Variants in WDR35 observed in about 807,000 individuals in gnomAD.
The protein encoded by WDR35 is WD repeat domain 35.
WDR35 carries 118 observed loss-of-function variants against 158.3 expected under a neutral mutation model. That is an observed-to-expected ratio of 0.75 (90% CI 0.64 to 0.87). The LOEUF is 0.87. Among genes scored for constraint, WDR35 ranks in the 40% least tolerant of loss-of-function variants. The pLI is 0.00. For synonymous variants in WDR35, 448 were observed against 476.1 expected (o/e 0.94, Z 0.77); for missense variants, 1,263 against 1,405.8 (o/e 0.90, Z 1.62).
chr2:19,969,627 A>T (rs1671970728), intron 8 of WDR35, 22 bp from the exon 9 acceptor site: 1 of 1,611,170 alleles, frequency 6.2e-7, no homozygotes, highest in Non-Finnish European at 8.5e-7. Flanking sequence ...AGTTATCTTT[A>T]ACCTAAAGTA....
rs1672663807 is a variant in WDR35 at position 19,989,164 on chromosome 2, CCTGT to C, written c.139_142del (p.Thr47MetfsTer5). On this transcript the variant is annotated frameshift_variant and splice_region_variant, in exon 2 of 27. Transcript: ENST00000281405. LOFTEE classifies it high-confidence loss of function. ...AAACATGTGGGCTTGCATTCATTTA[CCTGT>C]CTGCGTCTCTAATTTCAAAACTTTC... 6.2e-7 allele frequency: 1 copy of C among 1,613,548 alleles called. No individual in the cohort carries two copies. Among genetic ancestry groups the C allele is most frequent in the South Asian group, 1.1e-5 (1 of 91,072 alleles).
At chr2:19,927,790 G>C (rs1472304068) in intron 25 of WDR35, among the ~76,000 whole-genome samples, 1 of 152,212 alleles carries the variant, frequency 6.6e-6, no homozygotes, top group Non-Finnish European at 1.5e-5. Flanking sequence ...GTGCTTAAAG[G>C]AGCTGCAGAC....
At chr2:19,939,014 TA>T (rs1222388563) in intron 17 of WDR35, among the ~76,000 whole-genome samples, 1 of 152,212 alleles carries the variant, frequency 6.6e-6, no homozygotes. Context: ...CTTCTTTATC[TA>T]AAAAACTTCA....
chr2:19,988,244 C>T (rs973513418), intron 2 of WDR35, among the ~76,000 whole-genome samples: 2 of 152,186 alleles, frequency 1.3e-5, no homozygotes, highest in Non-Finnish European at 1.5e-5. Flanking sequence ...GGTTAAACAT[C>T]CACTACATGG....
At chr2:19,984,002 C>CATATATAT (rs753374553) in intron 2 of WDR35, among the ~76,000 whole-genome samples, 26 of 89,930 alleles carry the variant, frequency 2.9e-4, no homozygotes, top group African/African-American at 1.1e-3. Context: ...CATTCTAATG[C>CATATATAT]ATATATATAT....
At position 19,980,625 on chromosome 2, in the gene WDR35, A is replaced by G. The variant is rs1672353187; in HGVS notation, c.307+66T>C. 2.3e-6 allele frequency: 3 copies of G among 1,325,332 alleles called. No homozygotes were observed. In the East Asian group the frequency reaches 6.9e-5, roughly 31 times the overall value. The allele number at this position is 1,325,332 out of a possible 1,614,324, so 82.1% of individuals were successfully genotyped here. A position where few individuals can be genotyped will look rare whatever the true frequency, so the allele number is the denominator to read the frequency against. ...TCTATTTTGGAGATGTTATTTACCC[A>G]TCCAAATACTGTGATCCAGATGCCA... is the stretch of plus-strand genomic sequence containing the variant. On this transcript the variant is annotated intron_variant, in intron 4 of 26. Transcript: ENST00000281405.
Position 19,948,196 on chromosome 2 carries a change from C to T in WDR35, c.1492G>A (p.Ala498Thr). 3 of 1,609,766 alleles carry T rather than the reference C, an allele frequency of 1.9e-6. No homozygotes were observed. The highest frequency in any genetic ancestry group is 2.5e-6 in the Non-Finnish European group (3 of 1,178,684). Reference sequence around the variant, plus strand: ...AATATCTTATCTGATGCAGTTATGGCACAAATTGGATCCCTTGTGCCCTAA... The same window carrying T: ...AATATCTTATCTGATGCAGTTATGGTACAAATTGGATCCCTTGTGCCCTAA... ...TIQGTRDPIC[A>T]ITASDKILIV... The change falls in exon 14 of 27, where the codon GCC becomes ACC. Residue 498 changes from alanine (A) to threonine (T), a missense_variant. Ala to Thr is a moderately conservative substitution (Grantham distance 58, BLOSUM62 0). Coordinates refer to ENST00000281405, the MANE Select transcript of WDR35 (RefSeq NM_020779.4).
intron 2 of WDR35, among the ~76,000 whole-genome samples, chr2:19,983,914 C>T (rs531440068): frequency 3.3e-5 from 5 of 151,580 alleles, no homozygotes; most frequent in African/African-American, 1.2e-4. Context: ...AAAAATTGTA[C>T]AACATACTTA....
chr2:19,982,769 T>A (rs1281303996), intron 2 of WDR35, among the ~76,000 whole-genome samples: 1 of 152,198 alleles, frequency 6.6e-6, no homozygotes, highest in African/African-American at 2.4e-5. Context: ...ATTACATATA[T>A]TAATAATCAT....
intron 8 of WDR35, among the ~76,000 whole-genome samples, chr2:19,971,670 G>A (rs1185913114): frequency 6.6e-6 from 1 of 152,104 alleles, no homozygotes; most frequent in African/African-American, 2.4e-5. Flanking sequence ...AACCTAGGAG[G>A]GTCTGATCTA....
Position 19,966,916 on chromosome 2 carries a change from A to T in WDR35, c.1009-7T>A. ...TGTTTGAGCAATAACCCCACTAGGA[A>T]GAAAGGAAGGAGGAAAGGGAAGGAG... is the stretch of plus-strand genomic sequence containing the variant. On this transcript the variant is annotated splice_region_variant and splice_polypyrimidine_tract_variant and intron_variant, in intron 9 of 26. Coordinates refer to ENST00000281405, the MANE Select transcript of WDR35 (RefSeq NM_020779.4). The T allele has an allele frequency of 6.2e-7, 1 of 1,613,456 alleles. No homozygotes were observed. The highest frequency in any genetic ancestry group is 1.1e-5 in the South Asian group (1 of 91,044).
intron 25 of WDR35, among the ~76,000 whole-genome samples, chr2:19,923,241 G>A (rs561311066): frequency 1.3e-4 from 20 of 152,216 alleles, no homozygotes; most frequent in Admixed American, 3.3e-4. Flanking sequence ...GGGTCTCCCC[G>A]ACCGAGCTGG....
intron 11 of WDR35, among the ~76,000 whole-genome samples, chr2:19,954,868 T>C (rs1671372658): frequency 6.6e-6 from 1 of 152,220 alleles, no homozygotes; most frequent in Non-Finnish European, 1.5e-5. Context: ...AACAACATTA[T>C]TTATAATGAT....
In WDR35 at chr2:19,932,307, A is replaced by C. The variant is rs778956599; in HGVS notation, c.2799T>G (p.Phe933Leu). The stretch of plus-strand genomic sequence containing the variant: ...CCTTAAACATCAGTTTAGCTGCATC[A>C]AAAAAGTAATTGGCTTTCCGATAGA... ...IELYRKANYF[F>L]DAAKLMFKIA... Residue 933 changes from phenylalanine (F) to leucine (L), a missense_variant, in exon 23 of 27, where the codon TTT becomes TTG. By Grantham distance (22) the Phe-to-Leu change is conservative. Coordinates refer to ENST00000281405, the MANE Select transcript of WDR35 (RefSeq NM_020779.4). 2 of 1,613,178 alleles carry C rather than the reference A, an allele frequency of 1.2e-6. No individual in the cohort carries two copies. The highest frequency in any genetic ancestry group is 3.3e-5 in the Admixed American group (2 of 59,990).
chr2:19,938,176 CAGG>C (rs1670759994), intron 18 of WDR35, 86 bp downstream of exon 18: 5 of 1,548,730 alleles, frequency 3.2e-6, no homozygotes, highest in Admixed American at 1.7e-5. Flanking sequence ...CTGCTCCCAT[CAGG>C]AGGATAGTAG....
At chr2:19,965,044 C>T (rs1450936220) in intron 10 of WDR35, among the ~76,000 whole-genome samples, 2 of 152,132 alleles carry the variant, frequency 1.3e-5, no homozygotes, top group Non-Finnish European at 2.9e-5. Context: ...CTGCCTCAGC[C>T]TCCCGAGTAG....
chr2:19,918,799 G>C (rs1395891015), intron 25 of WDR35, among the ~76,000 whole-genome samples: 1 of 152,100 alleles, frequency 6.6e-6, no homozygotes, highest in African/African-American at 2.4e-5. Context: ...ATAATAGTGG[G>C]AGACTTCAAC....
intron 17 of WDR35, among the ~76,000 whole-genome samples, chr2:19,939,166 CAAAA>C (rs1239375076): frequency 6.6e-6 from 1 of 152,026 alleles, no homozygotes; most frequent in Non-Finnish European, 1.5e-5. Context: ...AAAGATTAAT[CAAAA>C]TTAAGAACTT....
intron 25 of WDR35, among the ~76,000 whole-genome samples, chr2:19,929,596 T>C (rs1025958823): frequency 3.3e-5 from 5 of 152,218 alleles, no homozygotes; most frequent in African/African-American, 1.2e-4. Context: ...TAAGAAGAAA[T>C]TGAGATCCTG....
Sources: gnomAD v4.1 joint callset for allele counts (sites outside exome capture counted in the v4.1 genomes callset) on GRCh38, gnomAD v4.1.1 for gene constraint, MANE v1.5 for transcripts, NCBI Gene and HGNC (gene_info 2026-07-23, HGNC 2026-07-21) for gene names.